VPS13B: variants seen among roughly 807,000 people sequenced by gnomAD.
The protein encoded by VPS13B is intermembrane lipid transfer protein VPS13B.
In VPS13B, 285 loss-of-function variants were observed where a neutral mutation model predicts 426.4. That is an observed-to-expected ratio of 0.67 (90% CI 0.61 to 0.74). VPS13B has a LOEUF of 0.74. Among genes scored for constraint, VPS13B ranks in the 30% least tolerant of loss-of-function variants. The pLI is 0.00. For synonymous variants in VPS13B, 1,676 were observed against 1,676.4 expected (o/e 1.00, Z 0.01); for missense variants, 4,537 against 4,782.6 (o/e 0.95, Z 1.51).
At chr8:99,248,491 C>T (rs2132910546) in intron 17 of VPS13B, among the ~76,000 whole-genome samples, 1 of 152,086 alleles carries the variant, frequency 6.6e-6, no homozygotes, top group East Asian at 1.9e-4. Flanking sequence ...CAATAACTCT[C>T]TTTAGGATAA....
chr8:99,622,212 A>G (rs1296529536), intron 33 of VPS13B, among the ~76,000 whole-genome samples: 2 of 152,080 alleles, frequency 1.3e-5, no homozygotes, highest in Admixed American at 6.5e-5. Flanking sequence ...TTTCACTTAC[A>G]TCATTTAATG....
At chr8:99,568,664 G>C (rs986179512) in intron 31 of VPS13B, among the ~76,000 whole-genome samples, 1 of 152,008 alleles carries the variant, frequency 6.6e-6, no homozygotes, top group Non-Finnish European at 1.5e-5. Flanking sequence ...ATAAACAGAA[G>C]AATATCTAGG....
chr8:99,049,953 A>G (rs1843437532), intron 3 of VPS13B, among the ~76,000 whole-genome samples: 1 of 148,440 alleles, frequency 6.7e-6, no homozygotes, highest in African/African-American at 2.5e-5. Flanking sequence ...TGCTTGTTTG[A>G]TTCTGTTGCT....
chr8:99,014,110 C>T lies in VPS13B; in HGVS notation c.147+175C>T, dbSNP rs201439180. 5.5e-4 allele frequency among the ~76,000 whole-genome samples: 40 copies of T among 72,306 alleles called. No homozygotes were observed. The East Asian group carries it at 7.3e-3, about 13-fold the overall frequency. The allele number at this position is 72,306 out of a possible 152,430, so 47.4% of individuals were successfully genotyped here. A position where few individuals can be genotyped will look rare whatever the true frequency, so the allele number is the denominator to read the frequency against. ...TACACTATTTTCTTTTTCTTTCTTTCTTTTTTTTTTTTTTTTTTTTTTTTT... is the reference window on the plus strand; with the variant it reads ...TACACTATTTTCTTTTTCTTTCTTTTTTTTTTTTTTTTTTTTTTTTTTTTT... On this transcript the variant is annotated intron_variant, in intron 2 of 61. Transcript: ENST00000357162.
intron 39 of VPS13B, among the ~76,000 whole-genome samples, chr8:99,726,639 A>T (rs1049979976): frequency 6.6e-6 from 1 of 152,258 alleles, no homozygotes; most frequent in African/African-American, 2.4e-5. Context: ...AACAAGAAGA[A>T]TACAATGATA....
At chr8:99,234,070 C>T in intron 17 of VPS13B, 1 of 778,212 alleles carries the variant, frequency 1.3e-6, no homozygotes, top group Admixed American at 1.7e-5. Flanking sequence ...ATCAGTCTGT[C>T]CGGCCTGAGA....
At chr8:99,596,504 C>T (rs1827024100) in intron 33 of VPS13B, among the ~76,000 whole-genome samples, 1 of 151,988 alleles carries the variant, frequency 6.6e-6, no homozygotes, top group Non-Finnish European at 1.5e-5. Flanking sequence ...ATCAGAGACC[C>T]TGTCTCCTCT....
chr8:99,496,880 A>G (rs1820916384), intron 25 of VPS13B, among the ~76,000 whole-genome samples: 1 of 151,914 alleles, frequency 6.6e-6, no homozygotes, highest in South Asian at 2.1e-4. Flanking sequence ...TGTTGACAAA[A>G]TTAAATTCCT....
chr8:99,283,307 CTA>C (rs1302788670), intron 19 of VPS13B, among the ~76,000 whole-genome samples: 1 of 152,192 alleles, frequency 6.6e-6, no homozygotes, highest in Non-Finnish European at 1.5e-5. Flanking sequence ...TTATACCCAT[CTA>C]TCTTATTACA....
intron 24 of VPS13B, among the ~76,000 whole-genome samples, chr8:99,478,120 C>CT (rs921401052): frequency 1.0e-3 from 142 of 142,422 alleles, no homozygotes; most frequent in East Asian, 7.7e-3. Context: ...CCCATAGAAT[C>CT]TTTTTTTTTT....
At chr8:99,561,957 A>G (rs1824944701) in intron 31 of VPS13B, among the ~76,000 whole-genome samples, 1 of 152,186 alleles carries the variant, frequency 6.6e-6, no homozygotes, top group South Asian at 2.1e-4. Flanking sequence ...TCATATGGCA[A>G]TTTTATGTTC....
Position 99,259,451 on chromosome 8 carries a change from T to G in VPS13B, c.2516-14747T>G, listed in dbSNP as rs1392162677. 2.6e-5 allele frequency among the ~76,000 whole-genome samples: 4 copies of G among 152,052 alleles called. No homozygotes were observed. The East Asian group carries it at 7.7e-4, about 29-fold the overall frequency. ...CCCACTAACCAGTGGATTTGGATTTTGATTACCAGAAGGGAGTGTGGGCAA... is the reference window on the plus strand; with the variant it reads ...CCCACTAACCAGTGGATTTGGATTTGGATTACCAGAAGGGAGTGTGGGCAA... On this transcript the variant is annotated intron_variant, in intron 17 of 61. Coordinates refer to ENST00000357162, the MANE Select transcript of VPS13B (RefSeq NM_152564.5).
At chr8:99,677,760 C>G (rs1831001912) in intron 35 of VPS13B, among the ~76,000 whole-genome samples, 1 of 152,232 alleles carries the variant, frequency 6.6e-6, no homozygotes, top group South Asian at 2.1e-4. Flanking sequence ...ATTTCTTCAT[C>G]TAGCCTAATT....
intron 58 of VPS13B, among the ~76,000 whole-genome samples, chr8:99,864,273 G>A (rs1588800522): frequency 6.6e-6 from 1 of 152,194 alleles, no homozygotes; most frequent in East Asian, 1.9e-4. Context: ...ATCCAGGCCG[G>A]GTACATGGCT....
intron 33 of VPS13B, among the ~76,000 whole-genome samples, chr8:99,606,290 G>C (rs1463206514): frequency 6.6e-6 from 1 of 152,060 alleles, no homozygotes; most frequent in Non-Finnish European, 1.5e-5. Flanking sequence ...TTCTCTTGCT[G>C]CTATAGAAAT....
chr8:99,371,766 C>G (rs1053603268), intron 19 of VPS13B, among the ~76,000 whole-genome samples: 4 of 152,126 alleles, frequency 2.6e-5, no homozygotes, highest in South Asian at 2.1e-4. Context: ...GTTTGTAGTT[C>G]TCCTTGAAAA....
intron 3 of VPS13B, among the ~76,000 whole-genome samples, chr8:99,054,738 A>G (rs1303587739): frequency 6.6e-6 from 1 of 152,158 alleles, no homozygotes; most frequent in Non-Finnish European, 1.5e-5. Context: ...AATTTTGTAT[A>G]TGGAATGATT....
chr8:99,225,975 C>T (rs868489554), intron 17 of VPS13B, among the ~76,000 whole-genome samples: 7 of 152,156 alleles, frequency 4.6e-5, no homozygotes, highest in Middle Eastern at 3.4e-3. Context: ...GACAGAGTCT[C>T]GCTCTGTCGC....
At chr8:99,360,459 A>C (rs950981701) in intron 19 of VPS13B, among the ~76,000 whole-genome samples, 6 of 151,182 alleles carry the variant, frequency 4.0e-5, no homozygotes, top group Admixed American at 4.0e-4. Context: ...TTGTATTTTT[A>C]GTAGAGACGG....
Sources: allele counts gnomAD v4.1 joint callset (sites outside exome capture counted in the v4.1 genomes callset), GRCh38; gene constraint gnomAD v4.1.1; transcripts MANE v1.5; gene names NCBI Gene and HGNC (gene_info 2026-07-23, HGNC 2026-07-21).